The following KLHL29 variants were observed in gnomAD, a reference collection of about 807,000 sequenced individuals.
KLHL29 encodes the protein kelch like family member 29.
KLHL29 carries 21 observed loss-of-function variants against 80.4 expected under a neutral mutation model. That is an observed-to-expected ratio of 0.26 (90% CI 0.19 to 0.38). The LOEUF (loss-of-function observed/expected upper bound fraction) is 0.38, where lower values mean the gene tolerates loss of function less well. Ranked by LOEUF, KLHL29 falls within the 10% of genes least tolerant of loss-of-function variation. The pLI is 1.00. For synonymous variants in KLHL29, 511 were observed against 526.8 expected (o/e 0.97, Z 0.41); for missense variants, 867 against 1,223.9 (o/e 0.71, Z 4.35).
At chr2:23,576,443 G>A (rs965171326) in intron 3 of KLHL29, among the ~76,000 whole-genome samples, 4 of 152,138 alleles carry the variant, frequency 2.6e-5, no homozygotes, top group African/African-American at 9.7e-5. Context: ...GTGGCAACTT[G>A]TCATCTGCTG....
intron 2 of KLHL29, among the ~76,000 whole-genome samples, chr2:23,548,872 T>A (rs913975282): frequency 3.9e-5 from 6 of 152,170 alleles, no homozygotes; most frequent in Admixed American, 2.6e-4. Flanking sequence ...CCCTCCTCTG[T>A]TACAGCCCCC....
At chr2:23,446,850 A>G (rs1319198997) in intron 1 of KLHL29, among the ~76,000 whole-genome samples, 1 of 152,226 alleles carries the variant, frequency 6.6e-6, no homozygotes, top group Non-Finnish European at 1.5e-5. Context: ...AAGGAAGGGA[A>G]TCACATAAGA....
intron 3 of KLHL29, among the ~76,000 whole-genome samples, chr2:23,616,070 G>A (rs1229412543): frequency 6.6e-6 from 1 of 152,178 alleles, no homozygotes; most frequent in Non-Finnish European, 1.5e-5. Flanking sequence ...CTGGACCTAT[G>A]GGTCCTGGCC....
intron 3 of KLHL29, among the ~76,000 whole-genome samples, chr2:23,587,286 C>T (rs543254340): frequency 3.4e-5 from 5 of 145,274 alleles, no homozygotes; most frequent in South Asian, 4.4e-4. Flanking sequence ...CGGTGCTGTT[C>T]GTTGATATTT....
chr2:23,620,249 G>T (rs1669136251), intron 3 of KLHL29, among the ~76,000 whole-genome samples: 1 of 152,230 alleles, frequency 6.6e-6, no homozygotes, highest in Admixed American at 6.5e-5. Context: ...GGCCAGCGGG[G>T]CCCATCAGGG....
chr2:23,564,548 G>A (rs961609736), intron 3 of KLHL29, among the ~76,000 whole-genome samples: 1 of 152,220 alleles, frequency 6.6e-6, no homozygotes, highest in Non-Finnish European at 1.5e-5. Flanking sequence ...ACTGGGTGGG[G>A]GGAAGGGAGG....
chr2:23,534,576 C>T (rs1666605468), intron 2 of KLHL29, among the ~76,000 whole-genome samples: 1 of 151,956 alleles, frequency 6.6e-6, no homozygotes, highest in African/African-American at 2.4e-5. Context: ...CTGTTCCAGC[C>T]CAAGTTCCCG....
At chr2:23,675,684 G>A (rs533019032) in intron 5 of KLHL29, among the ~76,000 whole-genome samples, 6 of 152,314 alleles carry the variant, frequency 3.9e-5, no homozygotes, top group African/African-American at 1.4e-4. Flanking sequence ...GAGCTGAACA[G>A]AATAATTAAA....
In KLHL29 at chr2:23,696,145, C is replaced by A; in HGVS notation, c.1924+12C>A. 6.5e-7 allele frequency: 1 copy of A among 1,549,052 alleles called. No homozygotes were observed. The highest frequency in any genetic ancestry group is 8.7e-7 in the Non-Finnish European group (1 of 1,145,388). On this transcript the variant is annotated intron_variant, in intron 10 of 13. Coordinates refer to ENST00000486442, the MANE Select transcript of KLHL29 (RefSeq NM_052920.2). The surrounding 1 kb of genome is among the most constrained non-coding windows in gnomAD (Gnocchi z 5.5). Reference sequence around the variant, plus strand: ...CATCTACCTCTCAGGTGAGGCCCCCCGGGGTTGGGGCGGGACCAGGCATGG... The same window carrying A: ...CATCTACCTCTCAGGTGAGGCCCCCAGGGGTTGGGGCGGGACCAGGCATGG...
chr2:23,449,892 G>T (rs866289997), intron 1 of KLHL29, among the ~76,000 whole-genome samples: 2 of 152,276 alleles, frequency 1.3e-5, no homozygotes, highest in South Asian at 2.1e-4. Context: ...GCACCCAGGG[G>T]CTATCTAGCG....
chr2:23,413,863 G>T (rs886360020), intron 1 of KLHL29, among the ~76,000 whole-genome samples: 6 of 152,144 alleles, frequency 3.9e-5, no homozygotes, highest in Non-Finnish European at 8.8e-5. Context: ...TGGGAGGCCC[G>T]TGCACCCTGC....
intron 1 of KLHL29, among the ~76,000 whole-genome samples, chr2:23,447,376 G>T (rs1001305549): frequency 6.6e-6 from 1 of 152,076 alleles, no homozygotes; most frequent in African/African-American, 2.4e-5. Flanking sequence ...TTCCCTTTAG[G>T]CCCCCATTTG....
intron 1 of KLHL29, among the ~76,000 whole-genome samples, chr2:23,454,637 A>G (rs1485481768): frequency 1.3e-5 from 2 of 152,152 alleles, no homozygotes; most frequent in African/African-American, 2.4e-5. Flanking sequence ...TTGTATAATC[A>G]TATCAGAGGA....
At chr2:23,525,726 G>GCCCCCCCC (rs746729913) in intron 2 of KLHL29, among the ~76,000 whole-genome samples, 8 of 62,600 alleles carry the variant, frequency 1.3e-4, no homozygotes, top group South Asian at 6.1e-4. Flanking sequence ...CCCAGCCCCT[G>GCCCCCCCC]CCCCCCCCCC....
chr2:23,653,319 T>C (rs543833148), intron 5 of KLHL29, among the ~76,000 whole-genome samples: 2 of 152,334 alleles, frequency 1.3e-5, no homozygotes, highest in South Asian at 2.1e-4. Flanking sequence ...GTGGAATTGC[T>C]TCATTTGCTG....
Position 23,596,815 on chromosome 2 carries a change from G to T in KLHL29, c.285+34334G>T, listed in dbSNP as rs887756950. The stretch of plus-strand genomic sequence containing the variant: ...CCCAGGAGGACATAAATAAATAAGG[G>T]ATTCCTGGTACATACTTTACCCATT... On this transcript the variant is annotated intron_variant, in intron 3 of 13. Coordinates refer to ENST00000486442, the MANE Select transcript of KLHL29 (RefSeq NM_052920.2). This position sits in a 1 kb window ranked among gnomAD's most constrained non-coding sequence, Gnocchi z 4.4. 5.9e-5 allele frequency among the ~76,000 whole-genome samples: 9 copies of T among 152,114 alleles called. No individual in the cohort carries two copies. The highest frequency in any genetic ancestry group is 2.2e-4 in the African/African-American group (9 of 41,426).
At position 23,707,211 on chromosome 2, in the gene KLHL29, C is replaced by G. The variant is rs1227098325; in HGVS notation, c.*547C>G. On this transcript the variant is annotated 3_prime_UTR_variant, in exon 14 of 14. Coordinates refer to ENST00000486442, the MANE Select transcript of KLHL29 (RefSeq NM_052920.2). ...GGTCCCCACTGGGGCTGAAGAGAAGCCCAGCTGCCCACGCGGAGCCAGGGG... is the reference window on the plus strand; with the variant it reads ...GGTCCCCACTGGGGCTGAAGAGAAGGCCAGCTGCCCACGCGGAGCCAGGGG... The G allele has an allele frequency of 2.6e-5, 4 of 152,244 alleles. No individual in the cohort carries two copies. Among genetic ancestry groups the G allele is most frequent in the Non-Finnish European group, 4.4e-5 (3 of 68,076 alleles). 9.4% of individuals were successfully genotyped at this position (152,244 alleles called of 1,614,324 possible). A position where few individuals can be genotyped will look rare whatever the true frequency, so the allele number is the denominator to read the frequency against.
Position 23,680,538 on chromosome 2 carries a change from A to G in KLHL29, c.941-3861A>G, listed in dbSNP as rs906850621. Among the ~76,000 whole-genome samples the G allele has an allele frequency of 6.6e-6, 1 of 152,200 alleles. No homozygotes were observed. Among genetic ancestry groups the G allele is most frequent in the African/African-American group, 2.4e-5 (1 of 41,454 alleles). On this transcript the variant is annotated intron_variant, in intron 5 of 13. Coordinates refer to ENST00000486442, the MANE Select transcript of KLHL29 (RefSeq NM_052920.2). This position sits in a 1 kb window ranked among gnomAD's most constrained non-coding sequence, Gnocchi z 4.1. ...ACCAACAGGGACAGATGCTGAGGCC[A>G]AGTCTTCATCCCACCTGGTAGGCTC...
chr2:23,687,756 G>A (rs553959841), intron 6 of KLHL29, among the ~76,000 whole-genome samples: 1 of 152,308 alleles, frequency 6.6e-6, no homozygotes, highest in African/African-American at 2.4e-5. Flanking sequence ...TCGAAAGGCG[G>A]GAGGGGGTCT....
Sources: allele counts gnomAD v4.1 joint callset (sites outside exome capture counted in the v4.1 genomes callset), GRCh38; gene constraint gnomAD v4.1.1; non-coding constraint Gnocchi (gnomAD v3.1); transcripts MANE v1.5; gene names NCBI Gene and HGNC (gene_info 2026-07-23, HGNC 2026-07-21).